KPNB1: variants seen among roughly 807,000 people sequenced by gnomAD.
KPNB1 encodes importin subunit beta-1.
A neutral mutation model predicts 113.0 loss-of-function variants in KPNB1; 7 were observed. That is an observed-to-expected ratio of 0.06 (90% CI 0.04 to 0.12). The LOEUF (loss-of-function observed/expected upper bound fraction) is 0.12, where lower values mean the gene tolerates loss of function less well. Ranked by LOEUF, KPNB1 falls within the 10% of genes least tolerant of loss-of-function variation. The probability of loss-of-function intolerance (pLI) is 1.00; values close to 1 mark genes in which losing one functional copy is unlikely to be tolerated. For synonymous variants in KPNB1, 363 were observed against 378.6 expected, an observed-to-expected ratio of 0.96 and a Z score of 0.48; for missense variants, 400 against 1,054.8, an observed-to-expected ratio of 0.38 and a Z score of 8.60.
intron 15 of KPNB1, among the ~76,000 whole-genome samples, chr17:47,675,368 T>G (rs1050704802): frequency 6.9e-5 from 8 of 116,600 alleles, no homozygotes; most frequent in South Asian, 5.4e-4. Context: ...GTTGTTTTTT[T>G]TTTGTTTTTT....
intron 13 of KPNB1, 58 bp downstream of exon 13, chr17:47,673,223 T>C: frequency 6.6e-7 from 1 of 1,510,160 alleles, no homozygotes; most frequent in Non-Finnish European, 9.1e-7. Context: ...TTTTGACACC[T>C]AGGTCTGTTT....
At chr17:47,680,712 A>AG in intron 21 of KPNB1, 43 bp downstream of exon 21, 2 of 1,581,900 alleles carry the variant, frequency 1.3e-6, no homozygotes, top group Non-Finnish European at 1.7e-6. Flanking sequence ...TACTTCCTGG[A>AG]GGAGGGGGGT....
chr17:47,655,677 C>T (rs1290961991), intron 3 of KPNB1, among the ~76,000 whole-genome samples: 1 of 152,236 alleles, frequency 6.6e-6, no homozygotes, highest in Non-Finnish European at 1.5e-5. Context: ...CCAGAACTAG[C>T]TTCATTCTAG....
intron 15 of KPNB1, 111 bp downstream of exon 15, chr17:47,674,893 T>A: frequency 1.8e-6 from 2 of 1,129,426 alleles, no homozygotes; most frequent in South Asian, 3.1e-5. Context: ...CTTGGCGCAC[T>A]GCAGCCTTGA....
chr17:47,664,380 C>A, intron 8 of KPNB1, 111 bp downstream of exon 8: 1 of 710,116 alleles, frequency 1.4e-6, no homozygotes. Context: ...AGGGTATCTC[C>A]ATTGGCAGAG....
intron 17 of KPNB1, among the ~76,000 whole-genome samples, chr17:47,677,790 T>A (rs1236663218): frequency 1.1e-4 from 17 of 152,202 alleles, no homozygotes; most frequent in Admixed American, 1.1e-3. Context: ...TAGCCATCAT[T>A]AATTATTGTA....
intron 2 of KPNB1, among the ~76,000 whole-genome samples, chr17:47,651,628 G>T (rs1285242400): frequency 6.6e-6 from 1 of 151,962 alleles, no homozygotes; most frequent in Non-Finnish European, 1.5e-5. Flanking sequence ...TGCAAATTTT[G>T]CAAAAAGCTT....
At chr17:47,651,333 G>T in intron 2 of KPNB1, 1 of 985,284 alleles carries the variant, frequency 1.0e-6, no homozygotes, top group Non-Finnish European at 1.2e-6. Context: ...TGGGGGATGG[G>T]GTCAGAGGGA....
chr17:47,682,321 A>G (rs778674830), intron 21 of KPNB1, 83 bp from the exon 22 acceptor site: 11 of 774,934 alleles, frequency 1.4e-5, no homozygotes, highest in Non-Finnish European at 1.9e-5. Context: ...GCCTAGGAGC[A>G]TGTAATTGTA....
chr17:47,677,325 A>T (rs2030642650), intron 17 of KPNB1, among the ~76,000 whole-genome samples, 198 bp downstream of exon 17: 1 of 152,014 alleles, frequency 6.6e-6, no homozygotes, highest in South Asian at 2.1e-4. Context: ...AAAAAAAATT[A>T]GCCGGGCGTG....
At position 47,650,536 on chromosome 17, in the gene KPNB1, C is replaced by A. The variant is rs558353937; in HGVS notation, c.99+92C>A. 8.9e-4 allele frequency: 934 copies of A among 1,054,186 alleles called. 2 individuals carry two copies. The African/African-American group carries it at 0.014, about 16-fold the overall frequency. The allele number at this position is 1,054,186 out of a possible 1,614,324, so 65.3% of individuals were successfully genotyped here. On this transcript the variant is annotated intron_variant, in intron 2 of 21. Coordinates refer to ENST00000290158, the MANE Select transcript of KPNB1 (RefSeq NM_002265.6). The stretch of plus-strand genomic sequence containing the variant: ...CTCCCGGAGGCCCAGGCCTCGGGAA[C>A]CTACCCCGCCCCATCCCGTCCCCCT...
intron 3 of KPNB1, among the ~76,000 whole-genome samples, 188 bp from the exon 4 acceptor site, chr17:47,656,672 G>A (rs532453456): frequency 4.6e-5 from 7 of 152,004 alleles, no homozygotes; most frequent in South Asian, 2.1e-4. Context: ...AGATTGCACC[G>A]TAGAGATTGA....
chr17:47,650,259 C>T lies in KPNB1; in HGVS notation c.15C>T (p.Thr5=). The T allele has an allele frequency of 1.2e-6, 2 of 1,601,472 alleles. No homozygotes were observed. Among genetic ancestry groups the T allele is most frequent in the Non-Finnish European group, 1.7e-6 (2 of 1,175,008 alleles). Residue 5 remains threonine, a synonymous_variant, in exon 1 of 22, where the codon ACC becomes ACT. Transcript: ENST00000290158. ...CCACCTCCGCCATGGAGCTGATCACCATTCTCGAGAAGACCGTGTCTCCCG... is the reference window on the plus strand; with the variant it reads ...CCACCTCCGCCATGGAGCTGATCACTATTCTCGAGAAGACCGTGTCTCCCG... MELI[T]ILEKTVSPDR...
intron 4 of KPNB1, 38 bp downstream of exon 4, chr17:47,657,098 T>C (rs776773322): frequency 1.3e-6 from 2 of 1,542,224 alleles, no homozygotes; most frequent in South Asian, 1.1e-5. Flanking sequence ...TATATACCTC[T>C]GATTGCCTCT....
chr17:47,652,539 T>A (rs1915609673), intron 2 of KPNB1, among the ~76,000 whole-genome samples, 155 bp from the exon 3 acceptor site: 1 of 152,156 alleles, frequency 6.6e-6, no homozygotes, highest in Non-Finnish European at 1.5e-5. Flanking sequence ...GTGAAGTAAA[T>A]ATTTTGTGGT....
intron 10 of KPNB1, among the ~76,000 whole-genome samples, chr17:47,668,976 AAAAG>A (rs2030370974): frequency 6.6e-6 from 1 of 151,274 alleles, no homozygotes; most frequent in Non-Finnish European, 1.5e-5. Context: ...AAAAAAAAAA[AAAAG>A]AGTTTGTTAT....
At chr17:47,653,252 C>A (rs1039137313) in intron 3 of KPNB1, among the ~76,000 whole-genome samples, 1 of 147,324 alleles carries the variant, frequency 6.8e-6, no homozygotes, top group Admixed American at 6.8e-5. Flanking sequence ...TTCGGTACTT[C>A]TGGAGTACAG....
chr17:47,680,798 C>T (rs1189597088), intron 21 of KPNB1, 129 bp downstream of exon 21: 5 of 886,024 alleles, frequency 5.6e-6, no homozygotes, highest in Non-Finnish European at 8.5e-6. Flanking sequence ...CATGTAGGTG[C>T]TTCTGAGTCA....
chr17:47,655,123 C>G (rs1325160416), intron 3 of KPNB1, among the ~76,000 whole-genome samples: 2 of 152,222 alleles, frequency 1.3e-5, no homozygotes, highest in African/African-American at 4.8e-5. Flanking sequence ...GCCTGAATAT[C>G]TGGCAGCTAT....
Sources: gnomAD v4.1 joint callset for allele counts (sites outside exome capture counted in the v4.1 genomes callset) on GRCh38, gnomAD v4.1.1 for gene constraint, MANE v1.5 for transcripts, NCBI Gene and HGNC (gene_info 2026-07-23, HGNC 2026-07-21) for gene names.